Variants in NEGR1 observed in about 807,000 individuals in gnomAD.
The protein encoded by NEGR1 is neuronal growth regulator 1.
In NEGR1, 10 loss-of-function variants were observed where a neutral mutation model predicts 40.9. That is an observed-to-expected ratio of 0.24 (90% CI 0.15 to 0.42). The LOEUF (loss-of-function observed/expected upper bound fraction) is 0.42, where lower values mean the gene tolerates loss of function less well. Ranked by LOEUF, NEGR1 falls within the 10% of genes least tolerant of loss-of-function variation. The pLI is 1.00. For synonymous variants in NEGR1, 185 were observed against 166.8 expected (o/e 1.11, Z -0.84); for missense variants, 352 against 438.9 (o/e 0.80, Z 1.77).
rs1381016835 is a variant in NEGR1, at chr1:71,398,931, C to G, written c.*8515G>C. ...GGAGTTTATCTGCACAAGCTCTTTT[C>G]TCTTGTCTGCTGCCATATGAGACGT... On this transcript the variant is annotated 3_prime_UTR_variant, in exon 7 of 7. Coordinates refer to ENST00000357731, the MANE Select transcript of NEGR1 (RefSeq NM_173808.3). 6.6e-6 allele frequency: 1 copy of G among 152,262 alleles called. No homozygotes were observed. The highest frequency in any genetic ancestry group is 1.5e-5 in the Non-Finnish European group (1 of 68,162). 9.4% of individuals were successfully genotyped at this position (152,262 alleles called of 1,614,324 possible).
intron 1 of NEGR1, among the ~76,000 whole-genome samples, chr1:71,997,115 G>C (rs1210346121): frequency 6.6e-6 from 1 of 151,948 alleles, no homozygotes; most frequent in Non-Finnish European, 1.5e-5. Flanking sequence ...CTCAGCTTCA[G>C]TTGTATGTAT....
intron 2 of NEGR1, among the ~76,000 whole-genome samples, chr1:71,852,791 G>GAA (rs200253605): frequency 2.3e-5 from 3 of 127,716 alleles, no homozygotes; most frequent in South Asian, 2.4e-4. Context: ...AAATGGCCAG[G>GAA]AAAAAAAAAA....
At chr1:71,928,489 T>C in intron 2 of NEGR1, among the ~76,000 whole-genome samples, 1 of 138,698 alleles carries the variant, frequency 7.2e-6, no homozygotes, top group African/African-American at 2.7e-5. Context: ...TATATATGTA[T>C]ATATACACAT....
intron 1 of NEGR1, among the ~76,000 whole-genome samples, chr1:72,163,269 T>C (rs1368277054): frequency 2.0e-5 from 3 of 152,116 alleles, no homozygotes; most frequent in Non-Finnish European, 2.9e-5. Flanking sequence ...ATTTAGTAAG[T>C]GATAAAATAC....
intron 2 of NEGR1, among the ~76,000 whole-genome samples, chr1:71,921,686 AATAG>A (rs1412995605): frequency 6.6e-5 from 9 of 136,058 alleles, no homozygotes; most frequent in African/African-American, 2.5e-4. Flanking sequence ...ATATATATAG[AATAG>A]ATACAGTACA....
intron 2 of NEGR1, among the ~76,000 whole-genome samples, chr1:71,809,822 G>A (rs1352196418): frequency 3.9e-5 from 6 of 152,018 alleles, no homozygotes; most frequent in Non-Finnish European, 8.8e-5. Context: ...GTGTCACTTG[G>A]TTACAAGTAC....
chr1:72,109,429 C>T (rs921830457), intron 1 of NEGR1, among the ~76,000 whole-genome samples: 148 of 151,474 alleles, frequency 9.8e-4, no homozygotes, highest in African/African-American at 3.6e-3. Context: ...CTTTTTCTTT[C>T]AAAACCTACT....
Position 71,402,576 on chromosome 1 carries a change from G to C in NEGR1, c.*4870C>G, listed in dbSNP as rs1646253507. ...TCAATTCTGAAATACTTTTGAGTAA[G>C]TTTGGAATTACTAGAAAAACAGTGA... On this transcript the variant is annotated 3_prime_UTR_variant, in exon 7 of 7. Transcript: ENST00000357731. 1.3e-5 allele frequency: 2 copies of C among 152,098 alleles called. No individual in the cohort carries two copies. The highest frequency in any genetic ancestry group is 4.8e-5 in the African/African-American group (2 of 41,438). 9.4% of individuals were successfully genotyped at this position (152,098 alleles called of 1,614,324 possible). A position where few individuals can be genotyped will look rare whatever the true frequency, so the allele number is the denominator to read the frequency against.
intron 2 of NEGR1, among the ~76,000 whole-genome samples, chr1:71,857,774 T>C (rs1411407273): frequency 6.6e-6 from 1 of 151,978 alleles, no homozygotes; most frequent in East Asian, 1.9e-4. Context: ...ATATATTAAT[T>C]CTATTTAGCT....
chr1:71,535,037 T>G (rs1272784095), intron 6 of NEGR1, among the ~76,000 whole-genome samples: 1 of 151,658 alleles, frequency 6.6e-6, no homozygotes, highest in South Asian at 2.1e-4. Flanking sequence ...TAATTAAAAT[T>G]TATGTTAAAT....
chr1:71,876,949 C>T (rs1382083096), intron 2 of NEGR1, among the ~76,000 whole-genome samples: 1 of 151,390 alleles, frequency 6.6e-6, no homozygotes, highest in Admixed American at 6.6e-5. Context: ...TTAGAAGATA[C>T]TTAGAGAAAG....
At chr1:72,213,027 A>G (rs943609861) in intron 1 of NEGR1, among the ~76,000 whole-genome samples, 6 of 151,830 alleles carry the variant, frequency 4.0e-5, no homozygotes, top group African/African-American at 1.5e-4. Flanking sequence ...CAGTGGAGGG[A>G]GGGTATTTGA....
chr1:71,442,708 A>T (rs1458771780), intron 6 of NEGR1, among the ~76,000 whole-genome samples: 1 of 152,212 alleles, frequency 6.6e-6, no homozygotes. Context: ...TTTAAAGTGC[A>T]GGGAAACAAG....
At chr1:71,480,341 T>C (rs1448043942) in intron 6 of NEGR1, among the ~76,000 whole-genome samples, 2 of 151,982 alleles carry the variant, frequency 1.3e-5, no homozygotes, top group South Asian at 2.1e-4. Flanking sequence ...AAGTAACTAA[T>C]AAGGAAAATT....
chr1:72,179,949 C>G (rs1021951477), intron 1 of NEGR1, among the ~76,000 whole-genome samples: 3 of 151,864 alleles, frequency 2.0e-5, no homozygotes, highest in Non-Finnish European at 2.9e-5. Context: ...GTTAAAATGT[C>G]AATACTATGC....
chr1:71,827,291 C>G (rs529838730), intron 2 of NEGR1, among the ~76,000 whole-genome samples: 8 of 151,768 alleles, frequency 5.3e-5, no homozygotes, highest in Non-Finnish European at 8.8e-5. Flanking sequence ...GAAACAATCT[C>G]ATTTACCATT....
At chr1:72,169,447 TTTAAG>T (rs1651885435) in intron 1 of NEGR1, among the ~76,000 whole-genome samples, 1 of 152,160 alleles carries the variant, frequency 6.6e-6, no homozygotes, top group African/African-American at 2.4e-5. Flanking sequence ...CAATTCTGAT[TTTAAG>T]TTAATTGTCT....
At chr1:72,171,840 A>G (rs2100395518) in intron 1 of NEGR1, among the ~76,000 whole-genome samples, 1 of 152,322 alleles carries the variant, frequency 6.6e-6, no homozygotes, top group South Asian at 2.1e-4. Context: ...AATGTTTTAA[A>G]TGGATATAAA....
intron 1 of NEGR1, among the ~76,000 whole-genome samples, chr1:72,086,233 A>T (rs1648217457): frequency 6.6e-6 from 1 of 152,168 alleles, no homozygotes; most frequent in Non-Finnish European, 1.5e-5. Flanking sequence ...TGACAAAACT[A>T]TCAATTAATA....
Sources: gnomAD v4.1 joint callset for allele counts (sites outside exome capture counted in the v4.1 genomes callset) on GRCh38, gnomAD v4.1.1 for gene constraint, MANE v1.5 for transcripts, NCBI Gene and HGNC (gene_info 2026-07-23, HGNC 2026-07-21) for gene names.